Variants in PHF21A observed in about 807,000 individuals in gnomAD.
PHF21A encodes BHC80a.
Under a neutral mutation model 82.5 loss-of-function variants are expected in PHF21A, and 11 were observed. The ratio of observed to expected loss-of-function variants is 0.13; its 90% CI spans 0.08 to 0.22. The LOEUF (loss-of-function observed/expected upper bound fraction) is 0.22, where lower values mean the gene tolerates loss of function less well. Ranked by LOEUF, PHF21A falls within the 10% of genes least tolerant of loss-of-function variation. PHF21A has a pLI of 1.00. For missense variants in PHF21A, 579 were observed against 837.8 expected (o/e 0.69, Z 3.81); for synonymous variants, 297 against 302.8 (o/e 0.98, Z 0.20).
intron 6 of PHF21A, among the ~76,000 whole-genome samples, chr11:46,034,658 C>T (rs1400023932): frequency 2.0e-5 from 3 of 152,224 alleles, no homozygotes; most frequent in Non-Finnish European, 4.4e-5. Context: ...CAGTGGCTAT[C>T]TATGGCTGTG....
intron 15 of PHF21A, 43 bp downstream of exon 15, chr11:45,945,797 T>C: frequency 6.6e-7 from 1 of 1,511,364 alleles, no homozygotes; most frequent in South Asian, 1.3e-5. Flanking sequence ...TTTTCCCAAT[T>C]TAAGCTCTCA....
chr11:46,101,315 T>C (rs996375919), intron 1 of PHF21A, among the ~76,000 whole-genome samples: 1 of 152,190 alleles, frequency 6.6e-6, no homozygotes, highest in Non-Finnish European at 1.5e-5. Flanking sequence ...AAACTAACAA[T>C]GTATGAAAAG....
intron 8 of PHF21A, chr11:45,970,705 T>A: frequency 6.2e-6 from 1 of 161,202 alleles, no homozygotes; most frequent in African/African-American, 2.4e-5. Flanking sequence ...TAAAGAGATA[T>A]TAAAACTAAA....
At chr11:46,008,454 C>T (rs1334851061) in intron 6 of PHF21A, among the ~76,000 whole-genome samples, 1 of 152,156 alleles carries the variant, frequency 6.6e-6, no homozygotes, top group East Asian at 1.9e-4. Flanking sequence ...CAGCATACAT[C>T]TCATCTTGAC....
chr11:46,057,621 A>C (rs1250181380), intron 6 of PHF21A, among the ~76,000 whole-genome samples: 1 of 152,196 alleles, frequency 6.6e-6, no homozygotes, highest in South Asian at 2.1e-4. Flanking sequence ...TCAAGCTGAA[A>C]TAAGTAAAAT....
Position 46,118,215 on chromosome 11 carries a change from T to C in PHF21A, c.-237+2720A>G, listed in dbSNP as rs576679413. Reference sequence around the variant, plus strand: ...ACAATTTAGCCCAGGTAGGTGTCTTTTTCATCTATTACTACTCCAGTTCCA... The same window carrying C: ...ACAATTTAGCCCAGGTAGGTGTCTTCTTCATCTATTACTACTCCAGTTCCA... On this transcript the variant is annotated intron_variant, in intron 1 of 18. Coordinates refer to ENST00000676320, the MANE Select transcript of PHF21A (RefSeq NM_001352027.3). The C allele has an allele frequency of 5.3e-5, 8 of 152,314 alleles. No homozygotes were observed. In the South Asian group the frequency reaches 1.2e-3, roughly 24 times the overall value. The allele number at this position is 152,314 out of a possible 1,614,324, so 9.4% of individuals were successfully genotyped here.
At chr11:46,028,491 T>G (rs935192349) in intron 6 of PHF21A, among the ~76,000 whole-genome samples, 1 of 151,912 alleles carries the variant, frequency 6.6e-6, no homozygotes, top group Non-Finnish European at 1.5e-5. Flanking sequence ...CTCCTGAAAC[T>G]CTAAGACTTC....
At chr11:46,014,480 C>T (rs188765421) in intron 6 of PHF21A, among the ~76,000 whole-genome samples, 3 of 152,292 alleles carry the variant, frequency 2.0e-5, no homozygotes, top group Admixed American at 2.0e-4. Context: ...CATACAAGTG[C>T]AAGTGTACTT....
At chr11:46,049,448 C>A (rs1271953047) in intron 6 of PHF21A, 2 of 456,066 alleles carry the variant, frequency 4.4e-6, no homozygotes, top group African/African-American at 4.0e-5. Flanking sequence ...TATTCCTGTA[C>A]AGTGGCATCT....
chr11:45,972,924 A>C (rs1418396749), intron 7 of PHF21A, among the ~76,000 whole-genome samples: 3 of 151,908 alleles, frequency 2.0e-5, no homozygotes. Flanking sequence ...AAACAAAAAA[A>C]AAAATTAGCC....
intron 18 of PHF21A, chr11:45,935,364 T>C (rs1032950778): frequency 5.9e-6 from 5 of 852,826 alleles, no homozygotes; most frequent in East Asian, 3.6e-5. Flanking sequence ...GTTGTAGCTG[T>C]TACTTATTCA....
At position 45,930,469 on chromosome 11, in the gene PHF21A, C is replaced by A. The variant is rs1280336584; in HGVS notation, c.*3499G>T. 6.6e-6 allele frequency: 1 copy of A among 152,386 alleles called. No homozygotes were observed. The highest frequency in any genetic ancestry group is 1.5e-5 in the Non-Finnish European group (1 of 68,172). The allele number at this position is 152,386 out of a possible 1,614,324, so 9.4% of individuals were successfully genotyped here. A position where few individuals can be genotyped will look rare whatever the true frequency, so the allele number is the denominator to read the frequency against. On this transcript the variant is annotated 3_prime_UTR_variant, in exon 19 of 19. Coordinates refer to ENST00000676320, the MANE Select transcript of PHF21A (RefSeq NM_001352027.3). ...TGTCAGGTACAACCAGCAGGCTTACCCCAAAGGGCCTGATAAGGAAGGAAG... is the reference window on the plus strand; with the variant it reads ...TGTCAGGTACAACCAGCAGGCTTACACCAAAGGGCCTGATAAGGAAGGAAG...
intron 7 of PHF21A, among the ~76,000 whole-genome samples, chr11:45,972,634 C>T (rs1396693670): frequency 6.6e-6 from 1 of 152,202 alleles, no homozygotes; most frequent in Non-Finnish European, 1.5e-5. Flanking sequence ...AAAAAGTAGA[C>T]CAGGTGCGGT....
At chr11:46,040,938 C>T (rs577152670) in intron 6 of PHF21A, among the ~76,000 whole-genome samples, 50 of 149,268 alleles carry the variant, frequency 3.3e-4, no homozygotes, top group Admixed American at 2.3e-3. Flanking sequence ...CACACACGCA[C>T]GCACAATTAA....
At chr11:45,968,625 T>C (rs2093583538) in intron 9 of PHF21A, among the ~76,000 whole-genome samples, 1 of 152,126 alleles carries the variant, frequency 6.6e-6, no homozygotes, top group African/African-American at 2.4e-5. Context: ...CCTTCTCTAA[T>C]ACTCTTAAAA....
intron 6 of PHF21A, among the ~76,000 whole-genome samples, chr11:46,050,756 G>A (rs2096349381): frequency 6.6e-6 from 1 of 152,182 alleles, no homozygotes; most frequent in South Asian, 2.1e-4. Flanking sequence ...AATTAAAATT[G>A]AGGAAACAGG....
At chr11:46,021,712 TTA>T (rs2095636104) in intron 6 of PHF21A, among the ~76,000 whole-genome samples, 1 of 151,832 alleles carries the variant, frequency 6.6e-6, no homozygotes, top group African/African-American at 2.4e-5. Flanking sequence ...CAGCTAATTT[TTA>T]TGTTATTTTA....
chr11:46,013,643 G>T (rs1481566057), intron 6 of PHF21A, among the ~76,000 whole-genome samples: 1 of 152,084 alleles, frequency 6.6e-6, no homozygotes, highest in Non-Finnish European at 1.5e-5. Flanking sequence ...ATTGCTGTGC[G>T]AACATCATAC....
At chr11:46,003,470 TGA>T (rs1565490425) in intron 6 of PHF21A, among the ~76,000 whole-genome samples, 1 of 152,018 alleles carries the variant, frequency 6.6e-6, no homozygotes, top group African/African-American at 2.4e-5. Flanking sequence ...ATAGTACTAA[TGA>T]CACTAAAACA....
Sources: gnomAD v4.1 joint callset for allele counts (sites outside exome capture counted in the v4.1 genomes callset) on GRCh38, gnomAD v4.1.1 for gene constraint, MANE v1.5 for transcripts, NCBI Gene and HGNC (gene_info 2026-07-23, HGNC 2026-07-21) for gene names.